Variants in CLDN10 observed in about 807,000 individuals in gnomAD.
CLDN10 encodes the protein claudin-10.
Under a neutral mutation model 22.9 loss-of-function variants are expected in CLDN10, and 15 were observed. The observed-to-expected ratio is 0.65, with a 90% CI of 0.44 to 1.01. CLDN10 has a LOEUF of 1.01. CLDN10 is among the 50% of genes least tolerant of loss of function. The probability of loss-of-function intolerance (pLI) is 0.00; values close to 1 mark genes in which losing one functional copy is unlikely to be tolerated. For synonymous variants in CLDN10, 114 were observed against 111.4 expected (o/e 1.02, Z -0.15); for missense variants, 247 against 287.8 (o/e 0.86, Z 1.03).
intron 1 of CLDN10, among the ~76,000 whole-genome samples, chr13:95,478,523 A>T (rs2042707403): frequency 6.6e-6 from 1 of 152,196 alleles, no homozygotes; most frequent in African/African-American, 2.4e-5. Context: ...AGAGAAACAG[A>T]GGAATCAGAT....
chr13:95,564,066 G>A (rs1316198285), intron 3 of CLDN10, among the ~76,000 whole-genome samples: 1 of 152,206 alleles, frequency 6.6e-6, no homozygotes, highest in African/African-American at 2.4e-5. Flanking sequence ...ATACGTTGTA[G>A]AATCAAAGCT....
chr13:95,499,282 C>G (rs1282083355), intron 1 of CLDN10, among the ~76,000 whole-genome samples: 1 of 152,186 alleles, frequency 6.6e-6, no homozygotes, highest in Admixed American at 6.5e-5. Context: ...TGGCTTACAT[C>G]TGTAATCCCA....
chr13:95,439,270 T>C (rs1001029789), intron 1 of CLDN10, among the ~76,000 whole-genome samples: 3 of 152,082 alleles, frequency 2.0e-5, no homozygotes, highest in Middle Eastern at 3.4e-3. Flanking sequence ...TGAGGGCCCA[T>C]AGACGGCACC....
At chr13:95,458,960 C>T (rs2139086796) in intron 1 of CLDN10, among the ~76,000 whole-genome samples, 1 of 152,298 alleles carries the variant, frequency 6.6e-6, no homozygotes, top group Middle Eastern at 3.4e-3. Context: ...TGGGTAAATA[C>T]ACCTGTTACA....
chr13:95,541,987 A>G (rs1298635096), intron 1 of CLDN10, among the ~76,000 whole-genome samples: 1 of 152,242 alleles, frequency 6.6e-6, no homozygotes, highest in Non-Finnish European at 1.5e-5. Context: ...CAGGAACATG[A>G]TGCTGGCATC....
Position 95,579,041 on chromosome 13 carries a change from A to C in CLDN10, c.*1027A>C, listed in dbSNP as rs910938374. Reference sequence around the variant, plus strand: ...AAAACCTGTTTATGCCTAGTGTTCCATTATTGGAACACTAAGCATGTGGGA... The same window carrying C: ...AAAACCTGTTTATGCCTAGTGTTCCCTTATTGGAACACTAAGCATGTGGGA... On this transcript the variant is annotated 3_prime_UTR_variant, in exon 5 of 5. Coordinates refer to ENST00000299339, the MANE Select transcript of CLDN10 (RefSeq NM_006984.5). 1.3e-5 allele frequency: 2 copies of C among 152,210 alleles called. No homozygotes were observed. The highest frequency in any genetic ancestry group is 2.9e-5 in the Non-Finnish European group (2 of 68,040). The allele number at this position is 152,210 out of a possible 1,614,324, so 9.4% of individuals were successfully genotyped here.
chr13:95,455,727 A>G (rs1360605354), intron 1 of CLDN10, among the ~76,000 whole-genome samples: 1 of 152,086 alleles, frequency 6.6e-6, no homozygotes, highest in Non-Finnish European at 1.5e-5. Flanking sequence ...TTTTCATATC[A>G]TTTTCAATAA....
At chr13:95,447,227 T>C (rs1239038898) in intron 1 of CLDN10, among the ~76,000 whole-genome samples, 1 of 152,202 alleles carries the variant, frequency 6.6e-6, no homozygotes, top group East Asian at 1.9e-4. Context: ...TATGTTCTCC[T>C]TTATTTCCAC....
At chr13:95,571,333 T>A (rs2043857279) in intron 3 of CLDN10, among the ~76,000 whole-genome samples, 1 of 152,314 alleles carries the variant, frequency 6.6e-6, no homozygotes, top group African/African-American at 2.4e-5. Context: ...AATGTCTTTA[T>A]TTTAGGTTTC....
At chr13:95,501,739 A>C (rs1476340721) in intron 1 of CLDN10, among the ~76,000 whole-genome samples, 1 of 152,158 alleles carries the variant, frequency 6.6e-6, no homozygotes, top group Non-Finnish European at 1.5e-5. Flanking sequence ...ATCTAGTCTA[A>C]TAATCTCTGC....
chr13:95,465,017 C>G (rs1594537180), intron 1 of CLDN10, among the ~76,000 whole-genome samples: 1 of 152,070 alleles, frequency 6.6e-6, no homozygotes, highest in Non-Finnish European at 1.5e-5. Flanking sequence ...TGTATTAGTC[C>G]ATTTTCACAC....
chr13:95,532,789 C>G, intron 1 of CLDN10, among the ~76,000 whole-genome samples: 1 of 21,208 alleles, frequency 4.7e-5, no homozygotes, highest in African/African-American at 1.9e-4. Flanking sequence ...GAACTCAATT[C>G]AGCAAAAAAA....
At chr13:95,453,141 A>T (rs2042448370) in intron 1 of CLDN10, among the ~76,000 whole-genome samples, 1 of 152,218 alleles carries the variant, frequency 6.6e-6, no homozygotes, top group South Asian at 2.1e-4. Flanking sequence ...AACCTATGGG[A>T]ACAAATGCTA....
At chr13:95,565,970 G>A (rs1594617705) in intron 3 of CLDN10, among the ~76,000 whole-genome samples, 1 of 152,174 alleles carries the variant, frequency 6.6e-6, no homozygotes, top group East Asian at 1.9e-4. Context: ...CTTTTTTATG[G>A]CTGCATAGTA....
At chr13:95,561,240 G>A (rs997172048) in intron 3 of CLDN10, among the ~76,000 whole-genome samples, 1 of 152,056 alleles carries the variant, frequency 6.6e-6, no homozygotes, top group Admixed American at 6.5e-5. Context: ...CTATCAATGA[G>A]GCTGGTAATT....
intron 1 of CLDN10, among the ~76,000 whole-genome samples, chr13:95,480,503 C>A (rs2042734791): frequency 6.6e-6 from 1 of 152,192 alleles, no homozygotes; most frequent in Non-Finnish European, 1.5e-5. Context: ...CCATTGTGGT[C>A]CCCTGAGCTG....
intron 1 of CLDN10, among the ~76,000 whole-genome samples, chr13:95,517,605 G>A (rs1013662572): frequency 1.3e-5 from 2 of 152,096 alleles, no homozygotes; most frequent in Non-Finnish European, 2.9e-5. Flanking sequence ...AGAATTTCCT[G>A]ACAAGATTCT....
At chr13:95,445,276 G>C (rs73561519) in intron 1 of CLDN10, among the ~76,000 whole-genome samples, 2,863 of 152,300 alleles carry the variant, frequency 0.019, 92 homozygotes, top group African/African-American at 0.065. Flanking sequence ...TGCACAGAGC[G>C]GGGGAGAATA....
At chr13:95,525,008 T>C (rs77003281) in intron 1 of CLDN10, among the ~76,000 whole-genome samples, 15,124 of 151,672 alleles carry the variant, frequency 0.1, 924 homozygotes, top group Middle Eastern at 0.13. Context: ...TACAGGCATG[T>C]GCCACAACGC....
Sources: allele counts gnomAD v4.1 joint callset (sites outside exome capture counted in the v4.1 genomes callset), GRCh38; gene constraint gnomAD v4.1.1; transcripts MANE v1.5; gene names NCBI Gene and HGNC (gene_info 2026-07-23, HGNC 2026-07-21).